Variants in CLDN14 observed in about 807,000 individuals in gnomAD.
CLDN14 encodes the protein claudin 14.
Under a neutral mutation model 2.1 loss-of-function variants are expected in CLDN14, and 2 were observed. The observed-to-expected ratio is 0.96, with a 90% CI of 0.39 to 3.01. The LOEUF is 3.01. CLDN14 is among the 30% of genes most tolerant of loss of function. CLDN14 has a pLI of 0.09. For synonymous variants in CLDN14, 136 were observed against 154.4 expected, an observed-to-expected ratio of 0.88 and a Z score of 0.88; for missense variants, 298 against 328.0, an observed-to-expected ratio of 0.91 and a Z score of 0.71.
chr21:36,547,395 G>A (rs565859656), intron 1 of CLDN14, among the ~76,000 whole-genome samples: 1 of 152,118 alleles, frequency 6.6e-6, no homozygotes, highest in Non-Finnish European at 1.5e-5. Context: ...TGTTTTCAAA[G>A]GATCTGAAAA....
chr21:36,486,375 G>T, intron 2 of CLDN14: 1 of 946,772 alleles, frequency 1.1e-6, no homozygotes, highest in Non-Finnish European at 1.7e-6. Context: ...GGCCTCAGCA[G>T]CAGAGGCTGC....
chr21:36,552,556 A>T (rs748805445), intron 1 of CLDN14, among the ~76,000 whole-genome samples: 2 of 152,234 alleles, frequency 1.3e-5, no homozygotes, highest in Admixed American at 6.5e-5. Context: ...GACCCTCTAG[A>T]GATGGCCATG....
At chr21:36,493,963 G>T (rs1422260143) in intron 2 of CLDN14, among the ~76,000 whole-genome samples, 1 of 152,160 alleles carries the variant, frequency 6.6e-6, no homozygotes, top group Non-Finnish European at 1.5e-5. Flanking sequence ...GCCCACTTTT[G>T]CCAGGATGGG....
chr21:36,475,901 A>C (rs1032117953), intron 1 of CLDN14, among the ~76,000 whole-genome samples: 4 of 152,010 alleles, frequency 2.6e-5, no homozygotes, highest in African/African-American at 9.7e-5. Flanking sequence ...CAAACTCCCG[A>C]CTTCAAATGA....
intron 1 of CLDN14, among the ~76,000 whole-genome samples, chr21:36,566,727 A>G (rs2087675556): frequency 1.3e-5 from 2 of 152,240 alleles, no homozygotes; most frequent in Admixed American, 1.3e-4. Context: ...TCAAGACAAA[A>G]CAGAGAACCA....
At chr21:36,538,045 G>C (rs985810213) in intron 1 of CLDN14, among the ~76,000 whole-genome samples, 6 of 151,962 alleles carry the variant, frequency 3.9e-5, no homozygotes, top group Non-Finnish European at 7.4e-5. Flanking sequence ...AACTGTATAT[G>C]ACAAAATATA....
At chr21:36,532,050 C>A (rs1008706671) in intron 1 of CLDN14, 1 of 152,152 alleles carries the variant, frequency 6.6e-6, no homozygotes, top group Admixed American at 6.5e-5. Context: ...TGAAAAACTA[C>A]GTTAAGATGC....
At chr21:36,477,361 A>G (rs1388682303) in intron 1 of CLDN14, 1 of 152,196 alleles carries the variant, frequency 6.6e-6, no homozygotes, top group Non-Finnish European at 1.5e-5. Context: ...ATGGTTTCAT[A>G]TGTTTACTTT....
intron 2 of CLDN14, among the ~76,000 whole-genome samples, chr21:36,509,893 C>T (rs1442416593): frequency 6.6e-6 from 1 of 152,312 alleles, no homozygotes; most frequent in African/African-American, 2.4e-5. Context: ...CCGCGCCTGG[C>T]CCAGCAGCAT....
chr21:36,499,406 C>T lies in CLDN14; in HGVS notation c.-82+10957G>A, dbSNP rs1373869969. Among the ~76,000 whole-genome samples the T allele has an allele frequency of 8.5e-5, 13 of 152,134 alleles. No homozygotes were observed. The highest frequency in any genetic ancestry group is 7.3e-5 in the Non-Finnish European group (5 of 68,036). On this transcript the variant is annotated intron_variant, in intron 2 of 2. Coordinates refer to the CLDN14 transcript ENST00000342108. This position sits in a 1 kb window ranked among gnomAD's most constrained non-coding sequence, Gnocchi z 4.7. Reference sequence around the variant, plus strand: ...TTACTTGAAACCTGCATACACACAGCCTTTTTGTTTTATGGGCTGGGTTCC... The same window carrying T: ...TTACTTGAAACCTGCATACACACAGTCTTTTTGTTTTATGGGCTGGGTTCC...
chr21:36,507,854 C>T (rs577093140), intron 2 of CLDN14, among the ~76,000 whole-genome samples: 19 of 152,312 alleles, frequency 1.2e-4, no homozygotes, highest in South Asian at 4.1e-4. Flanking sequence ...CATTTACAAA[C>T]GGGACACACA....
intron 1 of CLDN14, among the ~76,000 whole-genome samples, chr21:36,536,589 C>A (rs1457496488): frequency 6.6e-6 from 1 of 152,134 alleles, no homozygotes; most frequent in Non-Finnish European, 1.5e-5. Context: ...TAAAGGTGAT[C>A]TTTAAACTAT....
intron 2 of CLDN14, among the ~76,000 whole-genome samples, chr21:36,508,736 T>G (rs192969801): frequency 1.3e-5 from 2 of 152,340 alleles, no homozygotes; most frequent in Non-Finnish European, 2.9e-5. Context: ...GCCAGCTGAA[T>G]GTCTGCAACA....
At chr21:36,490,267 G>C (rs13047783) in intron 2 of CLDN14, among the ~76,000 whole-genome samples, 5 of 152,146 alleles carry the variant, frequency 3.3e-5, no homozygotes, top group African/African-American at 1.2e-4. Context: ...GCAATGGCTC[G>C]ACCGTGGGTC....
chr21:36,473,289 G>A (rs1011592279), intron 1 of CLDN14, among the ~76,000 whole-genome samples: 13 of 152,280 alleles, frequency 8.5e-5, no homozygotes, highest in African/African-American at 2.9e-4. Context: ...GTCCCACTAT[G>A]TTGCCCAGCC....
chr21:36,493,661 AGT>A (rs1354368479), intron 2 of CLDN14, among the ~76,000 whole-genome samples: 3 of 152,144 alleles, frequency 2.0e-5, no homozygotes, highest in African/African-American at 7.2e-5. Context: ...CACTTGTCAT[AGT>A]CTCTCTCACA....
chr21:36,485,645 A>G (rs2086887141), intron 2 of CLDN14, among the ~76,000 whole-genome samples: 1 of 152,194 alleles, frequency 6.6e-6, no homozygotes, highest in African/African-American at 2.4e-5. Context: ...GAGCGAAAGC[A>G]AGGTGCCTTC....
At chr21:36,523,781 G>GAGAAAGAAAGAAAGAA (rs56772352) in intron 1 of CLDN14, among the ~76,000 whole-genome samples, 52 of 38,164 alleles carry the variant, frequency 1.4e-3, no homozygotes, top group East Asian at 1.7e-3. Flanking sequence ...GAGAGAAAGA[G>GAGAAAGAAAGAAAGAA]AGAAAGAAAG....
chr21:36,475,143 C>T (rs1305630072), intron 1 of CLDN14, among the ~76,000 whole-genome samples: 1 of 152,196 alleles, frequency 6.6e-6, no homozygotes, highest in East Asian at 1.9e-4. Flanking sequence ...GCCGGACAGC[C>T]TTTCCCAGCA....
Sources: allele counts gnomAD v4.1 joint callset (sites outside exome capture counted in the v4.1 genomes callset), GRCh38; gene constraint gnomAD v4.1.1; non-coding constraint Gnocchi (gnomAD v3.1); transcripts MANE v1.5; gene names NCBI Gene and HGNC (gene_info 2026-07-23, HGNC 2026-07-21).